The following GAS7 variants were observed in gnomAD, a reference collection of about 807,000 sequenced individuals.
The protein encoded by GAS7 is growth arrest specific 7, also known as growth arrest-specific protein 7.
Under a neutral mutation model 71.1 loss-of-function variants are expected in GAS7, and 28 were observed. The observed-to-expected ratio is 0.39, with a 90% CI of 0.29 to 0.54. GAS7 has a LOEUF of 0.54. GAS7 is among the 20% of genes least tolerant of loss of function. The pLI, the probability that GAS7 is intolerant of heterozygous loss-of-function variation, is 0.62. For synonymous variants in GAS7, 258 were observed against 245.8 expected (o/e 1.05, Z -0.46); for missense variants, 436 against 627.8 (o/e 0.69, Z 3.27).
chr17:10,041,174 A>AGAAGAAG (rs1482702186), intron 1 of GAS7, among the ~76,000 whole-genome samples: 5,494 of 151,092 alleles, frequency 0.036, 371 homozygotes, highest in African/African-American at 0.13. Context: ...AAAAAAAAAA[A>AGAAGAAG]AAGAAGAAGG....
At chr17:9,949,698 G>A (rs1417620468) in intron 5 of GAS7, among the ~76,000 whole-genome samples, 3 of 152,170 alleles carry the variant, frequency 2.0e-5, no homozygotes, top group Non-Finnish European at 2.9e-5. Context: ...TGACGTGGAC[G>A]ACCCTGGAGA....
intron 6 of GAS7, among the ~76,000 whole-genome samples, chr17:9,945,866 C>G (rs1188833305): frequency 6.6e-6 from 1 of 151,850 alleles, no homozygotes; most frequent in Non-Finnish European, 1.5e-5. Flanking sequence ...CATCTGTAGT[C>G]CCAGCTGCTC....
intron 11 of GAS7, among the ~76,000 whole-genome samples, chr17:9,923,757 A>T (rs2152072021): frequency 1.3e-5 from 2 of 152,336 alleles, no homozygotes; most frequent in East Asian, 3.9e-4. Context: ...ATACCCTTTG[A>T]CTCAGCAACT....
chr17:10,020,081 T>C (rs940191375), intron 1 of GAS7, 184 bp from the exon 2 acceptor site: 2 of 595,602 alleles, frequency 3.4e-6, no homozygotes, highest in African/African-American at 3.7e-5. Context: ...GCATGAGCAG[T>C]GAGAAGCACC....
intron 1 of GAS7, among the ~76,000 whole-genome samples, chr17:10,121,447 T>C (rs892344028): frequency 6.6e-6 from 1 of 152,150 alleles, no homozygotes; most frequent in Admixed American, 6.5e-5. Flanking sequence ...ATGGCCTGGT[T>C]CTGCTACTCA....
chr17:10,056,453 C>T (rs1476209154), intron 1 of GAS7, among the ~76,000 whole-genome samples: 1 of 152,164 alleles, frequency 6.6e-6, no homozygotes, highest in East Asian at 1.9e-4. Flanking sequence ...TATGAGCATG[C>T]CACTGCACTT....
intron 1 of GAS7, among the ~76,000 whole-genome samples, chr17:10,159,301 C>A (rs932586687): frequency 7.9e-5 from 12 of 151,540 alleles, no homozygotes; most frequent in Non-Finnish European, 1.5e-4. Context: ...AGCAATCCTA[C>A]CCCTAGGTGA....
In GAS7 at chr17:9,911,822, C is replaced by G. The variant is rs77374443; in HGVS notation, c.*5406G>C. 7.6e-3 allele frequency: 1,763 copies of G among 231,706 alleles called. 50 individuals are homozygous for G. The highest frequency in any genetic ancestry group is 0.069 in the East Asian group (1,127 of 16,316). 14.4% of individuals were successfully genotyped at this position (231,706 alleles called of 1,614,324 possible). A position where few individuals can be genotyped will look rare whatever the true frequency, so the allele number is the denominator to read the frequency against. On this transcript the variant is annotated 3_prime_UTR_variant, in exon 14 of 14. Coordinates refer to ENST00000432992, the MANE Select transcript of GAS7 (RefSeq NM_201433.2). The surrounding 1 kb of genome is among the most constrained non-coding windows in gnomAD (Gnocchi z 4.0). Reference sequence around the variant, plus strand: ...CTGGTTCGCATAGAGAGGTACCCAACTGGTCTCGGGACTCACCTTTCACTG... The same window carrying G: ...CTGGTTCGCATAGAGAGGTACCCAAGTGGTCTCGGGACTCACCTTTCACTG...
intron 1 of GAS7, among the ~76,000 whole-genome samples, chr17:10,151,828 G>A (rs1239830465): frequency 6.6e-6 from 1 of 152,120 alleles, no homozygotes; most frequent in Non-Finnish European, 1.5e-5. Context: ...TTACAAGCAC[G>A]AGCCACCATA....
intron 2 of GAS7, among the ~76,000 whole-genome samples, chr17:10,001,224 A>G (rs770040117): frequency 6.6e-6 from 1 of 152,224 alleles, no homozygotes; most frequent in Non-Finnish European, 1.5e-5. Context: ...GAAACAGAGG[A>G]GCAAGAGGGT....
chr17:10,003,678 T>C (rs2071359512), intron 2 of GAS7, among the ~76,000 whole-genome samples: 2 of 152,140 alleles, frequency 1.3e-5, no homozygotes, highest in South Asian at 4.1e-4. Flanking sequence ...GCCACAGAAA[T>C]ATCCAGGGTG....
At chr17:9,990,150 T>C (rs1355051597) in intron 2 of GAS7, among the ~76,000 whole-genome samples, 1 of 152,076 alleles carries the variant, frequency 6.6e-6, no homozygotes, top group Non-Finnish European at 1.5e-5. Context: ...GCACCTGTAG[T>C]CCCAGCTCCT....
In GAS7 at chr17:10,104,651, C is replaced by T. The variant is rs973974906; in HGVS notation, c.184-84754G>A. On this transcript the variant is annotated intron_variant, in intron 1 of 13. Transcript: ENST00000432992. ...AAAACTAGACCTGCTCTCCATAACT[C>T]ATTTTAATAAATGGTACCACCATCT... is the stretch of plus-strand genomic sequence containing the variant. Among the ~76,000 whole-genome samples the T allele has an allele frequency of 3.3e-5, 5 of 152,302 alleles. No homozygotes were observed. In the East Asian group the frequency reaches 7.7e-4, roughly 23 times the overall value.
At chr17:10,117,559 G>A (rs739351) in intron 1 of GAS7, among the ~76,000 whole-genome samples, 51,499 of 152,012 alleles carry the variant, frequency 0.34, 9,047 homozygotes, top group African/African-American at 0.38. Context: ...TGAGACCAAC[G>A]GGGAGGAGCA....
intron 1 of GAS7, among the ~76,000 whole-genome samples, chr17:10,121,377 C>A (rs1433670350): frequency 6.6e-6 from 1 of 151,952 alleles, no homozygotes; most frequent in Non-Finnish European, 1.5e-5. Flanking sequence ...CAAGACTCTG[C>A]CTCAAAAAAC....
chr17:10,040,866 A>C (rs2072850077), intron 1 of GAS7, among the ~76,000 whole-genome samples: 1 of 152,206 alleles, frequency 6.6e-6, no homozygotes, highest in Non-Finnish European at 1.5e-5. Context: ...CTCACCCATA[A>C]GAAGGTAAAA....
At chr17:9,998,031 G>A (rs1477682970) in intron 2 of GAS7, among the ~76,000 whole-genome samples, 1 of 152,166 alleles carries the variant, frequency 6.6e-6, no homozygotes, top group Non-Finnish European at 1.5e-5. Context: ...CACGATTGAT[G>A]TCATCACTGG....
rs1567769358 is a variant in GAS7, at chr17:9,919,452, T to C, written c.1218+174A>G. ...CAGCTAGGAAGCGCTGGAGCAGAGA[T>C]CTGAATCCACATAAGCTGGCTCACA... On this transcript the variant is annotated intron_variant, in intron 12 of 13. Transcript: ENST00000432992. This position sits in a 1 kb window ranked among gnomAD's most constrained non-coding sequence, Gnocchi z 5.0. Among the ~76,000 whole-genome samples the C allele has an allele frequency of 6.6e-6, 1 of 152,052 alleles. No individual in the cohort carries two copies. The highest frequency in any genetic ancestry group is 1.9e-4 in the East Asian group (1 of 5,180).
intron 2 of GAS7, among the ~76,000 whole-genome samples, chr17:9,984,897 C>T (rs1266250593): frequency 5.9e-5 from 9 of 152,182 alleles, no homozygotes. Context: ...GCCTCAGGCT[C>T]CTTCCTAGGC....
Sources: allele counts gnomAD v4.1 joint callset (sites outside exome capture counted in the v4.1 genomes callset), GRCh38; gene constraint gnomAD v4.1.1; non-coding constraint Gnocchi (gnomAD v3.1); transcripts MANE v1.5; gene names NCBI Gene and HGNC (gene_info 2026-07-23, HGNC 2026-07-21).